The following ZNRF3 variants were observed in gnomAD, a reference collection of about 807,000 sequenced individuals.
The protein encoded by ZNRF3 is zinc and ring finger 3.
Under a neutral mutation model 72.5 loss-of-function variants are expected in ZNRF3, and 23 were observed. The observed-to-expected ratio is 0.32, with a 90% CI of 0.23 to 0.45. The LOEUF is 0.45. Among genes scored for constraint, ZNRF3 ranks in the 20% least tolerant of loss-of-function variants. ZNRF3 has a pLI of 1.00. For missense variants in ZNRF3, 1,169 were observed against 1,272.1 expected, an observed-to-expected ratio of 0.92 and a Z score of 1.23; for synonymous variants, 610 against 545.3, an observed-to-expected ratio of 1.12 and a Z score of -1.65.
At chr22:28,942,687 A>T (rs1569254827) in intron 1 of ZNRF3, among the ~76,000 whole-genome samples, 1 of 152,162 alleles carries the variant, frequency 6.6e-6, no homozygotes, top group Non-Finnish European at 1.5e-5. Flanking sequence ...GATGTGAAAG[A>T]GACTGTTTGA....
At chr22:29,006,360 T>C (rs1019108180) in intron 2 of ZNRF3, among the ~76,000 whole-genome samples, 1 of 151,944 alleles carries the variant, frequency 6.6e-6, no homozygotes, top group Non-Finnish European at 1.5e-5. Flanking sequence ...CTTACAGGCG[T>C]GTACCGCCAC....
At chr22:28,919,798 C>T (rs943944226) in intron 1 of ZNRF3, among the ~76,000 whole-genome samples, 1 of 151,742 alleles carries the variant, frequency 6.6e-6, no homozygotes, top group South Asian at 2.1e-4. Flanking sequence ...TGAGCCACCA[C>T]ACCTGGCCCC....
At chr22:29,025,944 C>T (rs561438037) in intron 2 of ZNRF3, 106 of 152,306 alleles carry the variant, frequency 7.0e-4, no homozygotes, top group African/African-American at 2.4e-3. Context: ...TGTTACACCC[C>T]GGATGCGTGG....
chr22:29,032,373 C>T (rs1017100094), intron 2 of ZNRF3, among the ~76,000 whole-genome samples: 1 of 152,134 alleles, frequency 6.6e-6, no homozygotes, highest in African/African-American at 2.4e-5. Flanking sequence ...GATGAGCACA[C>T]GCAGGGGCTG....
intron 1 of ZNRF3, among the ~76,000 whole-genome samples, chr22:28,920,784 A>T (rs569290261): frequency 2.0e-5 from 3 of 152,332 alleles, no homozygotes; most frequent in African/African-American, 7.2e-5. Context: ...ATTGACGGGT[A>T]GCCTGTACCC....
At chr22:29,031,967 G>A (rs780079143) in intron 2 of ZNRF3, among the ~76,000 whole-genome samples, 6 of 152,202 alleles carry the variant, frequency 3.9e-5, no homozygotes, top group Non-Finnish European at 8.8e-5. Context: ...CCAAATTAGG[G>A]CACCATTGAG....
At chr22:28,991,279 CAAAAAAAAAAAA>C (rs59317059) in intron 2 of ZNRF3, among the ~76,000 whole-genome samples, 90 of 51,672 alleles carry the variant, frequency 1.7e-3, no homozygotes, top group African/African-American at 6.7e-3. Flanking sequence ...GACCCTCTCT[CAAAAAAAAAAAA>C]AAAAAAAAAA....
At chr22:28,913,470 T>G (rs2034355133) in intron 1 of ZNRF3, among the ~76,000 whole-genome samples, 1 of 152,072 alleles carries the variant, frequency 6.6e-6, no homozygotes, top group Admixed American at 6.5e-5. Flanking sequence ...TCAGTTGGTG[T>G]CCTGTTAGAT....
At chr22:29,043,267 C>T (rs2037001408) in intron 3 of ZNRF3, 32 bp from the exon 4 acceptor site, 1 of 1,609,608 alleles carries the variant, frequency 6.2e-7, no homozygotes, top group African/African-American at 1.3e-5. Flanking sequence ...AGTAAGCGCA[C>T]CTTTTAACCA....
intron 1 of ZNRF3, among the ~76,000 whole-genome samples, chr22:28,918,282 C>A (rs540386767): frequency 2.6e-5 from 4 of 152,178 alleles, no homozygotes; most frequent in Non-Finnish European, 5.9e-5. Context: ...AAAAATACTT[C>A]CTTTGAAGTG....
intron 1 of ZNRF3, among the ~76,000 whole-genome samples, chr22:28,947,619 G>A (rs753695115): frequency 3.9e-5 from 6 of 152,086 alleles, no homozygotes; most frequent in Non-Finnish European, 8.8e-5. Context: ...GCCTAATGAC[G>A]TTGAGCATCT....
intron 1 of ZNRF3, among the ~76,000 whole-genome samples, chr22:28,966,498 A>G (rs1425933123): frequency 6.6e-6 from 1 of 152,228 alleles, no homozygotes; most frequent in African/African-American, 2.4e-5. Context: ...ATGACAGCTC[A>G]TGTGTGTTAC....
chr22:28,935,634 C>T (rs2034805805), intron 1 of ZNRF3, among the ~76,000 whole-genome samples: 1 of 152,200 alleles, frequency 6.6e-6, no homozygotes, highest in Non-Finnish European at 1.5e-5. Context: ...CAGATCTGGC[C>T]AGCCACCTTG....
At chr22:28,991,953 G>C (rs1464129549) in intron 2 of ZNRF3, among the ~76,000 whole-genome samples, 1 of 151,764 alleles carries the variant, frequency 6.6e-6, no homozygotes, top group South Asian at 2.1e-4. Flanking sequence ...GACCAGTTTG[G>C]GCAACATAGT....
At chr22:28,935,701 T>C (rs771344740) in intron 1 of ZNRF3, among the ~76,000 whole-genome samples, 2 of 152,212 alleles carry the variant, frequency 1.3e-5, no homozygotes, top group South Asian at 4.1e-4. Flanking sequence ...CCACCCTTTA[T>C]TGGCTGCAGA....
chr22:29,022,533 TG>T (rs1366705706), intron 2 of ZNRF3, among the ~76,000 whole-genome samples: 1 of 152,206 alleles, frequency 6.6e-6, no homozygotes, highest in Admixed American at 6.5e-5. Context: ...TGTGACTGTG[TG>T]ACCAGCAGTA....
In ZNRF3 at chr22:29,048,667, A is replaced by C. The variant is rs117742807; in HGVS notation, c.1015+176A>C. ...ACGACCCTTAGGAGAGCTTGGCATT[A>C]AGAATCACCCTGAGTTCAAGTTTGG... is the stretch of plus-strand genomic sequence containing the variant. On this transcript the variant is annotated intron_variant, in intron 7 of 8. Coordinates refer to ENST00000544604, the MANE Select transcript of ZNRF3 (RefSeq NM_001206998.2). This position sits in a 1 kb window ranked among gnomAD's most constrained non-coding sequence, Gnocchi z 4.9. Among the ~76,000 whole-genome samples the C allele has an allele frequency of 2.0e-3, 309 of 152,292 alleles. 4 individuals carry two copies. In the East Asian group the frequency reaches 0.044, roughly 22 times the overall value.
intron 1 of ZNRF3, among the ~76,000 whole-genome samples, chr22:28,948,812 G>A (rs1209064451): frequency 1.3e-5 from 2 of 152,142 alleles, no homozygotes; most frequent in African/African-American, 4.8e-5. Context: ...GTTTCACTTT[G>A]AAATCTATTG....
At chr22:29,006,673 C>T (rs918415137) in intron 2 of ZNRF3, among the ~76,000 whole-genome samples, 5 of 152,122 alleles carry the variant, frequency 3.3e-5, no homozygotes, top group African/African-American at 1.2e-4. Flanking sequence ...AATTTCAGGG[C>T]CATTTCAGAT....
Sources: gnomAD v4.1 joint callset for allele counts (sites outside exome capture counted in the v4.1 genomes callset) on GRCh38, gnomAD v4.1.1 for gene constraint, Gnocchi (gnomAD v3.1) non-coding constraint, MANE v1.5 for transcripts, NCBI Gene and HGNC (gene_info 2026-07-23, HGNC 2026-07-21) for gene names.